The following MAPK10 variants were observed in gnomAD, a reference collection of about 807,000 sequenced individuals.
MAPK10 encodes the protein JNK3 alpha protein kinase.
MAPK10 carries 25 observed loss-of-function variants against 59.3 expected under a neutral mutation model. That is an observed-to-expected ratio of 0.42 (90% CI 0.31 to 0.59). The LOEUF is 0.59. Among genes scored for constraint, MAPK10 ranks in the 20% least tolerant of loss-of-function variants. MAPK10 has a pLI of 0.15. For missense variants in MAPK10, 351 were observed against 568.9 expected (o/e 0.62, Z 3.90); for synonymous variants, 190 against 200.5 (o/e 0.95, Z 0.44).
chr4:86,221,572 G>C (rs1028801650), intron 2 of MAPK10, among the ~76,000 whole-genome samples: 1 of 151,860 alleles, frequency 6.6e-6, no homozygotes, highest in Non-Finnish European at 1.5e-5. Context: ...CTGCAGGCTC[G>C]ACCTCCCAGA....
chr4:86,400,122 T>C lies in MAPK10; in HGVS notation c.-121-45478A>G, dbSNP rs77153215. 8.2e-3 allele frequency among the ~76,000 whole-genome samples: 1,249 copies of C among 152,322 alleles called. 19 individuals are homozygous for C. Among genetic ancestry groups the C allele is most frequent in the African/African-American group, 0.029 (1,208 of 41,572 alleles). ...TCACATTTTATGGTCATATCACATA[T>C]AAAGTTCCTGCTAAACTATCATTAT... On this transcript the variant is annotated intron_variant, in intron 1 of 13. Coordinates refer to the MAPK10 transcript ENST00000361569.
chr4:86,323,047 C>T (rs564763770), intron 2 of MAPK10, among the ~76,000 whole-genome samples: 7 of 152,208 alleles, frequency 4.6e-5, no homozygotes, highest in South Asian at 2.1e-4. Context: ...TGGTGGCATG[C>T]GCCTATAGTC....
At chr4:86,593,559 C>A (rs12508626) in intron 1 of MAPK10, among the ~76,000 whole-genome samples, 1,586 of 152,252 alleles carry the variant, frequency 0.01, 10 homozygotes, top group Non-Finnish European at 0.013. Context: ...TATGTTAAAC[C>A]TTTTCCTTAA....
Position 86,431,466 on chromosome 4 carries a change from T to C in MAPK10, c.-122+21564A>G, listed in dbSNP as rs371784089. 2.6e-4 allele frequency among the ~76,000 whole-genome samples: 40 copies of C among 152,346 alleles called. 1 individual carries two copies. The South Asian group carries it at 8.3e-3, about 32-fold the overall frequency. On this transcript the variant is annotated intron_variant, in intron 1 of 13. Coordinates refer to the MAPK10 transcript ENST00000361569. ...CTGACAAAACAGAATTTCTACAAAA[T>C]ATTTTATATTATATTCATGGAAATT...
At chr4:86,134,839 G>C (rs563194771) in intron 4 of MAPK10, among the ~76,000 whole-genome samples, 1,527 of 152,300 alleles carry the variant, frequency 0.01, 23 homozygotes, top group African/African-American at 0.035. Flanking sequence ...CACCATGCAC[G>C]AGCCGAAGCA....
At chr4:86,478,972 TAC>T (rs961074469) in intron 1 of MAPK10, among the ~76,000 whole-genome samples, 4 of 152,164 alleles carry the variant, frequency 2.6e-5, no homozygotes, top group African/African-American at 4.8e-5. Flanking sequence ...CTCCCTTCCC[TAC>T]ACATGAAGCT....
chr4:86,064,528 A>G, intron 10 of MAPK10, 138 bp from the exon 11 acceptor site: 5 of 773,594 alleles, frequency 6.5e-6, no homozygotes, highest in Non-Finnish European at 1.0e-5. Context: ...GATGTGATGG[A>G]AAAGAAAATG....
chr4:86,485,321 T>C (rs1402903317), intron 1 of MAPK10, among the ~76,000 whole-genome samples: 4 of 152,208 alleles, frequency 2.6e-5, no homozygotes, highest in Admixed American at 2.6e-4. Context: ...TTTTTACATG[T>C]TTAAAATTTT....
chr4:86,327,785 C>CAAAAAAAAAAAAAAAAAAA (rs5860023), intron 2 of MAPK10: 9 of 68,894 alleles, frequency 1.3e-4, no homozygotes, highest in Admixed American at 2.0e-4. Flanking sequence ...ACTAAAAATA[C>CAAAAAAAAAAAAAAAAAAA]AAAAAAAAAA....
At chr4:86,118,814 T>C (rs903277343) in intron 4 of MAPK10, among the ~76,000 whole-genome samples, 15 of 152,222 alleles carry the variant, frequency 9.9e-5, no homozygotes, top group African/African-American at 3.6e-4. Flanking sequence ...CCCTAAGCAT[T>C]ACTGGAGCAT....
intron 1 of MAPK10, among the ~76,000 whole-genome samples, chr4:86,584,692 C>T (rs1296893838): frequency 6.6e-6 from 1 of 152,172 alleles, no homozygotes; most frequent in Non-Finnish European, 1.5e-5. Flanking sequence ...GTGATCCTCC[C>T]ACTTAGCCTC....
intron 2 of MAPK10, among the ~76,000 whole-genome samples, chr4:86,234,767 G>A (rs934740000): frequency 1.3e-5 from 2 of 151,924 alleles, no homozygotes; most frequent in Non-Finnish European, 2.9e-5. Context: ...GTTTATAATA[G>A]TATAGAAACA....
intron 2 of MAPK10, among the ~76,000 whole-genome samples, chr4:86,282,081 C>A (rs2094830494): frequency 6.6e-6 from 1 of 152,068 alleles, no homozygotes; most frequent in South Asian, 2.1e-4. Context: ...ATGTGACAGA[C>A]AAGAACTCAG....
At chr4:86,156,972 CA>C (rs1221373705) in intron 4 of MAPK10, among the ~76,000 whole-genome samples, 1 of 152,040 alleles carries the variant, frequency 6.6e-6, no homozygotes, top group Non-Finnish European at 1.5e-5. Flanking sequence ...TTCTTTCCCT[CA>C]AAGGCAGAAG....
At chr4:86,102,488 A>T (rs995161136) in intron 6 of MAPK10, 2 of 154,224 alleles carry the variant, frequency 1.3e-5, no homozygotes, top group African/African-American at 4.8e-5. Flanking sequence ...GAAAGAATAA[A>T]GATAATTTTC....
intron 1 of MAPK10, among the ~76,000 whole-genome samples, chr4:86,406,044 C>A (rs1047228586): frequency 6.6e-6 from 1 of 152,142 alleles, no homozygotes; most frequent in Admixed American, 6.6e-5. Flanking sequence ...ATAAGACTAT[C>A]ACGTAAGAGG....
At chr4:86,299,098 A>G (rs781012798) in intron 2 of MAPK10, among the ~76,000 whole-genome samples, 3 of 152,236 alleles carry the variant, frequency 2.0e-5, no homozygotes, top group Non-Finnish European at 4.4e-5. Context: ...ATTTAGTGGT[A>G]CAATAAATAG....
At chr4:86,136,875 G>A (rs993776527) in intron 4 of MAPK10, among the ~76,000 whole-genome samples, 9 of 152,002 alleles carry the variant, frequency 5.9e-5, no homozygotes, top group African/African-American at 1.5e-4. Flanking sequence ...AAAAGGCAGG[G>A]GTTGTAATCC....
intron 2 of MAPK10, among the ~76,000 whole-genome samples, chr4:86,290,097 G>T (rs570400407): frequency 2.0e-5 from 3 of 152,292 alleles, no homozygotes; most frequent in Admixed American, 6.5e-5. Context: ...AGATTTAAGT[G>T]TGTTTGGCCA....
Sources: allele counts gnomAD v4.1 joint callset (sites outside exome capture counted in the v4.1 genomes callset), GRCh38; gene constraint gnomAD v4.1.1; transcripts MANE v1.5; gene names NCBI Gene and HGNC (gene_info 2026-07-23, HGNC 2026-07-21).